Variants in OPCML observed in about 807,000 individuals in gnomAD.
The protein encoded by OPCML is opioid-binding protein/cell adhesion molecule.
In OPCML, 13 loss-of-function variants were observed where a neutral mutation model predicts 37.8. The observed-to-expected ratio is 0.34, with a 90% CI of 0.22 to 0.55. The LOEUF (loss-of-function observed/expected upper bound fraction) is 0.55. Among genes scored for constraint, OPCML ranks in the 20% least tolerant of loss-of-function variants. The pLI, the probability that OPCML is intolerant of heterozygous loss-of-function variation, is 0.91. For missense variants in OPCML, 341 were observed against 435.6 expected, an observed-to-expected ratio of 0.78 and a Z score of 1.93; for synonymous variants, 176 against 168.8, an observed-to-expected ratio of 1.04 and a Z score of -0.33.
intron 2 of OPCML, among the ~76,000 whole-genome samples, chr11:132,743,616 C>T (rs890840839): frequency 6.6e-6 from 1 of 152,194 alleles, no homozygotes; most frequent in Non-Finnish European, 1.5e-5. Context: ...AACTACTTCT[C>T]TTCCTGGAAT....
chr11:133,437,341 C>A lies in OPCML; in HGVS notation c.61+94923G>T, dbSNP rs552455150. Among the ~76,000 whole-genome samples, 8 of 152,266 alleles carry A rather than the reference C, an allele frequency of 5.3e-5. No homozygotes were observed. In the South Asian group the frequency reaches 1.7e-3, roughly 32 times the overall value. ...TGAGATGGCGGGCAGAAGCTATTTC[C>A]TCCACTTTCTCTCTGGGCATCACCT... On this transcript the variant is annotated intron_variant, in intron 1 of 7. Transcript: ENST00000524381.
chr11:133,353,687 G>A (rs2136697795), intron 1 of OPCML, among the ~76,000 whole-genome samples: 1 of 152,302 alleles, frequency 6.6e-6, no homozygotes, highest in East Asian at 1.9e-4. Context: ...TCACTTGGCA[G>A]GCAGGAGCCT....
At chr11:133,531,780 CAG>C (rs148645624) in intron 1 of OPCML, among the ~76,000 whole-genome samples, 3,690 of 147,774 alleles carry the variant, frequency 0.025, 160 homozygotes, top group African/African-American at 0.085. Context: ...AGAAAAGAAA[CAG>C]AGAGAGAGAC....
At chr11:132,471,139 C>A (rs148343900) in intron 4 of OPCML, among the ~76,000 whole-genome samples, 8 of 152,176 alleles carry the variant, frequency 5.3e-5, no homozygotes, top group Middle Eastern at 3.4e-3. Flanking sequence ...TTCAATACAG[C>A]CCTTGATAAA....
chr11:132,826,949 G>A (rs1432585600), intron 2 of OPCML, among the ~76,000 whole-genome samples: 4 of 152,236 alleles, frequency 2.6e-5, no homozygotes, highest in South Asian at 2.1e-4. Flanking sequence ...GAAGAGAAGG[G>A]GGAGACAGAT....
At chr11:132,452,163 G>T (rs948885177) in intron 4 of OPCML, among the ~76,000 whole-genome samples, 1 of 152,184 alleles carries the variant, frequency 6.6e-6, no homozygotes, top group East Asian at 1.9e-4. Context: ...TCAATTCTTA[G>T]CTTCTTGCCT....
At chr11:133,522,861 A>G (rs561797813) in intron 1 of OPCML, among the ~76,000 whole-genome samples, 3 of 152,254 alleles carry the variant, frequency 2.0e-5, no homozygotes, top group Admixed American at 6.5e-5. Context: ...CACTTTTTAA[A>G]TAAATTACTG....
At chr11:132,462,611 C>T (rs1432832345) in intron 4 of OPCML, among the ~76,000 whole-genome samples, 2 of 152,212 alleles carry the variant, frequency 1.3e-5, no homozygotes, top group Admixed American at 1.3e-4. Flanking sequence ...GCTCTTAGAG[C>T]AGGTTCCTCT....
chr11:133,367,782 C>G (rs1944578474), intron 1 of OPCML, among the ~76,000 whole-genome samples: 1 of 152,194 alleles, frequency 6.6e-6, no homozygotes, highest in Non-Finnish European at 1.5e-5. Flanking sequence ...ACCACACTCA[C>G]AAACATCCAC....
intron 2 of OPCML, among the ~76,000 whole-genome samples, chr11:132,740,414 G>C (rs1486821664): frequency 6.6e-6 from 1 of 152,140 alleles, no homozygotes; most frequent in African/African-American, 2.4e-5. Flanking sequence ...AATGGGTTTT[G>C]TATTAAATAA....
intron 2 of OPCML, among the ~76,000 whole-genome samples, chr11:132,792,694 C>A (rs1386811286): frequency 1.3e-5 from 2 of 152,096 alleles, no homozygotes; most frequent in African/African-American, 4.8e-5. Context: ...ATGGGCGGCC[C>A]CCACCTGCGG....
intron 2 of OPCML, among the ~76,000 whole-genome samples, chr11:132,837,955 A>T (rs1443445543): frequency 6.6e-6 from 1 of 152,218 alleles, no homozygotes; most frequent in African/African-American, 2.4e-5. Flanking sequence ...GGCCGCTGTC[A>T]CGTCATCCTA....
At chr11:132,886,499 T>C (rs1356929956) in intron 2 of OPCML, among the ~76,000 whole-genome samples, 1 of 152,232 alleles carries the variant, frequency 6.6e-6, no homozygotes, top group African/African-American at 2.4e-5. Context: ...CAGCTCCAGC[T>C]GGGGGCCTCT....
At chr11:133,200,985 T>C (rs1003865203) in intron 1 of OPCML, among the ~76,000 whole-genome samples, 1 of 152,164 alleles carries the variant, frequency 6.6e-6, no homozygotes, top group Non-Finnish European at 1.5e-5. Context: ...TGCAGAAACA[T>C]GGGTTTAGCT....
chr11:133,384,605 C>T (rs967509001), intron 1 of OPCML, among the ~76,000 whole-genome samples: 2 of 152,220 alleles, frequency 1.3e-5, no homozygotes, highest in African/African-American at 4.8e-5. Flanking sequence ...TCAATCCTAG[C>T]TCTTGTCGCT....
intron 3 of OPCML, among the ~76,000 whole-genome samples, chr11:132,611,320 C>CCTACACCTGGAATGCACCCCT (rs373036372): frequency 2.2e-4 from 34 of 152,246 alleles, no homozygotes; most frequent in African/African-American, 8.2e-4. Flanking sequence ...AATGCACCCC[C>CCTACACCTGGAATGCACCCCT]CAGCACCACC....
In OPCML at chr11:132,657,289, C is replaced by T; in HGVS notation, c.177G>A (p.Val59=). 6.2e-7 allele frequency: 1 copy of T among 1,614,230 alleles called. No homozygotes were observed. ...GGATGGTGCTGCGGTTTAGCCAGGC[C>T]ACCCGGGTTACCCGGTCATCTATGG... is the stretch of plus-strand genomic sequence containing the variant. The part of the protein sequence containing the change: ...RCTIDDRVTR[V]AWLNRSTILY... Residue 59 remains valine (V), a synonymous_variant, in exon 3 of 8, where the codon GTG becomes GTA. Coordinates refer to ENST00000524381, the MANE Select transcript of OPCML (RefSeq NM_001012393.5).
intron 1 of OPCML, among the ~76,000 whole-genome samples, chr11:133,295,210 C>T (rs765567555): frequency 7.2e-5 from 11 of 152,124 alleles, no homozygotes; most frequent in African/African-American, 2.4e-4. Context: ...GAGTAAAGAA[C>T]GTCTAGTTAA....
intron 1 of OPCML, among the ~76,000 whole-genome samples, chr11:133,220,594 C>T (rs1471716213): frequency 6.6e-6 from 1 of 152,192 alleles, no homozygotes. Flanking sequence ...GGAACGCAGG[C>T]ACTTTCAGCC....
Sources: gnomAD v4.1 joint callset for allele counts (sites outside exome capture counted in the v4.1 genomes callset) on GRCh38, gnomAD v4.1.1 for gene constraint, MANE v1.5 for transcripts, NCBI Gene and HGNC (gene_info 2026-07-23, HGNC 2026-07-21) for gene names.